VKORC1L1: variants seen among roughly 807,000 people sequenced by gnomAD.
The protein encoded by VKORC1L1 is vitamin K epoxide reductase complex subunit 1L1, also known as vitamin K epoxide reductase complex subunit 1-like protein 1.
VKORC1L1 carries 2 observed loss-of-function variants against 18.9 expected under a neutral mutation model. That is an observed-to-expected ratio of 0.11 (90% CI 0.04 to 0.33). VKORC1L1 has a LOEUF of 0.33. Among genes scored for constraint, VKORC1L1 ranks in the 10% least tolerant of loss-of-function variants. VKORC1L1 has a pLI of 1.00. For synonymous variants in VKORC1L1, 96 were observed against 100.0 expected, an observed-to-expected ratio of 0.96 and a Z score of 0.24; for missense variants, 123 against 224.1, an observed-to-expected ratio of 0.55 and a Z score of 2.88.
chr7:65,947,923 T>A (rs550328977), intron 1 of VKORC1L1, among the ~76,000 whole-genome samples: 6 of 152,304 alleles, frequency 3.9e-5, no homozygotes, highest in Admixed American at 6.5e-5. Flanking sequence ...ACTCTTGACC[T>A]TGTGATCTGC....
At chr7:65,927,766 C>T (rs1041786085) in intron 1 of VKORC1L1, among the ~76,000 whole-genome samples, 1 of 152,194 alleles carries the variant, frequency 6.6e-6, no homozygotes, top group African/African-American at 2.4e-5. Context: ...CCATGCATTG[C>T]AACAGTCTCA....
intron 1 of VKORC1L1, among the ~76,000 whole-genome samples, chr7:65,922,677 T>C (rs1336689897): frequency 6.6e-6 from 1 of 152,240 alleles, no homozygotes; most frequent in Non-Finnish European, 1.5e-5. Flanking sequence ...ACCTTCATTT[T>C]CAGCCGAAAT....
chr7:65,892,953 A>G (rs1331005189), intron 1 of VKORC1L1, among the ~76,000 whole-genome samples: 1 of 152,190 alleles, frequency 6.6e-6, no homozygotes, highest in African/African-American at 2.4e-5. Flanking sequence ...TGATAGTAAC[A>G]CTTGGTTGTT....
chr7:65,872,326 T>G (rs369691304), upstream of VKORC1L1, among the ~76,000 whole-genome samples: 297 of 152,142 alleles, frequency 2.0e-3, no homozygotes, highest in African/African-American at 6.9e-3. Flanking sequence ...AATCTCTCTT[T>G]TTTTTTTTGA....
rs879651897 is a variant in VKORC1L1, at chr7:65,958,635, T to A, written c.*4335T>A. 1 of 152,226 alleles carries A rather than the reference T, an allele frequency of 6.6e-6. No individual in the cohort carries two copies. Among genetic ancestry groups the A allele is most frequent in the Non-Finnish European group, 1.5e-5 (1 of 68,046 alleles). 9.4% of individuals were successfully genotyped at this position (152,226 alleles called of 1,614,324 possible). On this transcript the variant is annotated 3_prime_UTR_variant, in exon 3 of 3. Transcript: ENST00000360768. ...TTTTAGACTCAGTAGGAGCCTTATATTCTTGAAGTCAATACTGTAACCTCA... is the reference window on the plus strand; with the variant it reads ...TTTTAGACTCAGTAGGAGCCTTATAATCTTGAAGTCAATACTGTAACCTCA...
Position 65,914,777 on chromosome 7 carries a change from A to G in VKORC1L1, c.195-33894A>G, listed in dbSNP as rs552494516. 6.6e-5 allele frequency among the ~76,000 whole-genome samples: 10 copies of G among 152,120 alleles called. No homozygotes were observed. The East Asian group carries it at 1.9e-3, about 30-fold the overall frequency. ...GACTTTGAGAGGTTGAAGCGGGAGGATAGCTTGAGACCGACCAGGAGATTG... is the reference window on the plus strand; with the variant it reads ...GACTTTGAGAGGTTGAAGCGGGAGGGTAGCTTGAGACCGACCAGGAGATTG... On this transcript the variant is annotated intron_variant, in intron 1 of 2. Transcript: ENST00000360768.
intron 1 of VKORC1L1, among the ~76,000 whole-genome samples, chr7:65,891,587 A>G (rs1367238401): frequency 2.0e-5 from 3 of 152,112 alleles, no homozygotes; most frequent in Admixed American, 2.0e-4. Context: ...GCATGTATCT[A>G]TTACTAGCTA....
intron 1 of VKORC1L1, among the ~76,000 whole-genome samples, chr7:65,915,068 A>G (rs1789563350): frequency 6.7e-6 from 1 of 149,428 alleles, no homozygotes; most frequent in Admixed American, 6.7e-5. Flanking sequence ...TGTGATTGTG[A>G]GCTTATTTTT....
chr7:65,931,018 A>T (rs1789848264), intron 1 of VKORC1L1, among the ~76,000 whole-genome samples: 1 of 152,126 alleles, frequency 6.6e-6, no homozygotes, highest in Admixed American at 6.6e-5. Context: ...AACATGATGA[A>T]TTACGCTGAT....
chr7:65,875,056 T>G (rs1041522182), intron 1 of VKORC1L1, among the ~76,000 whole-genome samples: 6 of 152,212 alleles, frequency 3.9e-5, no homozygotes, highest in African/African-American at 1.4e-4. Flanking sequence ...ATTGTGTAGC[T>G]GTGGACATAA....
At chr7:65,877,218 G>A (rs910191693) in intron 1 of VKORC1L1, among the ~76,000 whole-genome samples, 3 of 151,904 alleles carry the variant, frequency 2.0e-5, no homozygotes, top group African/African-American at 7.3e-5. Context: ...TAAGTTTCTT[G>A]TACATACTTG....
chr7:65,950,438 C>G (rs4535605), intron 2 of VKORC1L1, among the ~76,000 whole-genome samples: 47,447 of 151,960 alleles, frequency 0.31, 8,673 homozygotes, highest in East Asian at 0.46. Context: ...CCTGTCAGCT[C>G]TTCTGATTTG....
At chr7:65,919,045 G>A (rs369036507) in intron 1 of VKORC1L1, among the ~76,000 whole-genome samples, 20 of 152,098 alleles carry the variant, frequency 1.3e-4, no homozygotes, top group East Asian at 5.8e-4. Flanking sequence ...CAGTGATCGC[G>A]CCACTGCACT....
intron 1 of VKORC1L1, among the ~76,000 whole-genome samples, chr7:65,934,038 A>C (rs561854273): frequency 6.6e-6 from 1 of 152,288 alleles, no homozygotes; most frequent in East Asian, 1.9e-4. Context: ...TGCTTCCAAC[A>C]ATCTTAAGTT....
chr7:65,887,637 C>T (rs917407477), intron 1 of VKORC1L1, among the ~76,000 whole-genome samples: 1 of 152,120 alleles, frequency 6.6e-6, no homozygotes, highest in Non-Finnish European at 1.5e-5. Flanking sequence ...CAGCACAGCC[C>T]TAGTACATAG....
chr7:65,896,046 C>A (rs567726927), intron 1 of VKORC1L1, among the ~76,000 whole-genome samples: 2 of 150,932 alleles, frequency 1.3e-5, no homozygotes, highest in African/African-American at 4.9e-5. Flanking sequence ...CAGGTGCCCG[C>A]TACCACACTC....
intron 1 of VKORC1L1, among the ~76,000 whole-genome samples, chr7:65,909,384 G>GGAATGGAAGAAGAGATCTT (rs1452079159): frequency 6.6e-6 from 1 of 151,928 alleles, no homozygotes; most frequent in African/African-American, 2.4e-5. Flanking sequence ...TGTCGTGATG[G>GGAATGGAAGAAGAGATCTT]GAATGGAAGA....
chr7:65,928,167 TTTG>T (rs1196119753), intron 1 of VKORC1L1, among the ~76,000 whole-genome samples: 1 of 152,150 alleles, frequency 6.6e-6, no homozygotes, highest in African/African-American at 2.4e-5. Flanking sequence ...TGGTTTATAG[TTTG>T]TTGAGTTTAG....
At position 65,882,722 on chromosome 7, in the gene VKORC1L1, C is replaced by T. The variant is rs187232563; in HGVS notation, c.194+9157C>T. On this transcript the variant is annotated intron_variant, in intron 1 of 2. Transcript: ENST00000360768. ...TGTTCATGTAACATATAAGCACATT[C>T]AGTACTATTAGAACTGTTGCATTAT... Among the ~76,000 whole-genome samples the T allele has an allele frequency of 1.9e-3, 286 of 152,234 alleles. 3 individuals are homozygous for T. The highest frequency in any genetic ancestry group is 6.7e-3 in the African/African-American group (279 of 41,530).
Sources: allele counts gnomAD v4.1 joint callset (sites outside exome capture counted in the v4.1 genomes callset), GRCh38; gene constraint gnomAD v4.1.1; transcripts MANE v1.5; gene names NCBI Gene and HGNC (gene_info 2026-07-23, HGNC 2026-07-21).